UGT2A2: variants seen among roughly 807,000 people sequenced by gnomAD.
UGT2A2 encodes the protein UDP-glucuronosyltransferase 2A2.
A neutral mutation model predicts 50.7 loss-of-function variants in UGT2A2; 60 were observed. The ratio of observed to expected loss-of-function variants is 1.18; its 90% CI spans 0.96 to 1.47. The LOEUF is 1.47. Ranked by LOEUF, UGT2A2 falls within the 40% of genes most tolerant of loss-of-function variation. The pLI is 0.00. For synonymous variants in UGT2A2, 242 were observed against 214.6 expected, an observed-to-expected ratio of 1.13 and a Z score of -1.11; for missense variants, 762 against 634.0, an observed-to-expected ratio of 1.20 and a Z score of -2.17.
Position 69,594,652 on chromosome 4 carries a change from C to T in UGT2A2, c.1156G>A (p.Gly386Arg). Residue 386 changes from glycine to arginine, a missense_variant, in exon 5 of 6, where the codon GGG becomes AGG. By Grantham distance (125) the Gly-to-Arg change is moderately radical. Coordinates refer to ENST00000604629, the MANE Select transcript of UGT2A2 (RefSeq NM_001105677.2). The stretch of plus-strand genomic sequence containing the variant: ...CCGTGGTAAATAGCTTCGTAGATCC[C>T]ATTAGTTCCACCATGAGTGATAAAA... ...KAFITHGGTN[G>R]IYEAIYHGVP... 2.5e-6 allele frequency: 4 copies of T among 1,614,028 alleles called. No individual in the cohort carries two copies. The highest frequency in any genetic ancestry group is 3.4e-6 in the Non-Finnish European group (4 of 1,180,014).
chr4:69,632,647 T>C lies in UGT2A2; in HGVS notation c.742+6252A>G, dbSNP rs1040083006. ...ACTCAGGCCTGTAATCCCAGCACTT[T>C]GGGAGGCAGAGGCGGGCAGATCACA... is the stretch of plus-strand genomic sequence containing the variant. On this transcript the variant is annotated intron_variant, in intron 1 of 5. Transcript: ENST00000604629. Among the ~76,000 whole-genome samples the C allele has an allele frequency of 6.6e-5, 10 of 152,194 alleles. No homozygotes were observed. The East Asian group carries it at 1.5e-3, about 23-fold the overall frequency.
intron 1 of UGT2A2, among the ~76,000 whole-genome samples, chr4:69,609,465 G>A (rs1719899975): frequency 6.6e-6 from 1 of 151,916 alleles, no homozygotes; most frequent in African/African-American, 2.4e-5. Flanking sequence ...TAAAGAGCTG[G>A]GATTACAGGT....
At chr4:69,604,367 T>G (rs920090169) in intron 1 of UGT2A2, among the ~76,000 whole-genome samples, 1 of 135,926 alleles carries the variant, frequency 7.4e-6, no homozygotes, top group Non-Finnish European at 1.6e-5. Flanking sequence ...GACAAGCAAA[T>G]GCTGAGAGAT....
intron 1 of UGT2A2, among the ~76,000 whole-genome samples, chr4:69,630,971 TTAA>T (rs1260180215): frequency 1.3e-5 from 2 of 152,164 alleles, no homozygotes; most frequent in Non-Finnish European, 2.9e-5. Context: ...TTAAATGTTA[TTAA>T]TAACTTGAAT....
chr4:69,591,166 A>T (rs963592527), intron 5 of UGT2A2, among the ~76,000 whole-genome samples: 2 of 152,160 alleles, frequency 1.3e-5, no homozygotes, highest in Non-Finnish European at 2.9e-5. Context: ...ATATTTGAAG[A>T]TATTTATTTG....
chr4:69,606,742 A>G (rs1316827474), intron 1 of UGT2A2, among the ~76,000 whole-genome samples: 1 of 137,016 alleles, frequency 7.3e-6, no homozygotes. Flanking sequence ...TACAAAATCA[A>G]TGTGCAAAAA....
chr4:69,596,331 A>C lies in UGT2A2; in HGVS notation c.942T>G (p.Phe314Leu), dbSNP rs751675239. The stretch of plus-strand genomic sequence containing the variant: ...GGTTTTTGACCATTGATCCCAGAGA[A>C]AACACCACAACACCATTTTTACCTG... The part of the protein sequence containing the change: ...QSSGKNGVVV[F>L]SLGSMVKNLT... Residue 314 changes from phenylalanine to leucine, a missense_variant, in exon 3 of 6, where the codon TTT (phenylalanine) becomes TTG (leucine). Transcript: ENST00000604629. 2 of 1,607,832 alleles carry C rather than the reference A, an allele frequency of 1.2e-6. No homozygotes were observed. Among genetic ancestry groups the C allele is most frequent in the Non-Finnish European group, 1.7e-6 (2 of 1,176,232 alleles).
intron 1 of UGT2A2, among the ~76,000 whole-genome samples, chr4:69,618,550 CA>C (rs1720552262): frequency 6.6e-6 from 1 of 151,894 alleles, no homozygotes; most frequent in African/African-American, 2.4e-5. Flanking sequence ...AGAATTTAAA[CA>C]GACCATATTA....
Position 69,602,990 on chromosome 4 carries a change from C to T in UGT2A2, c.743-3596G>A, listed in dbSNP as rs955211793. On this transcript the variant is annotated intron_variant, in intron 1 of 5. Transcript: ENST00000604629. ...GGCTGAGGCAGAGAATTGCTTGAACCCGGGAGGAGGAGGTTGCAGTGAGCC... is the reference window on the plus strand; with the variant it reads ...GGCTGAGGCAGAGAATTGCTTGAACTCGGGAGGAGGAGGTTGCAGTGAGCC... 5.9e-5 allele frequency among the ~76,000 whole-genome samples: 8 copies of T among 134,964 alleles called. 1 individual carries two copies. The highest frequency in any genetic ancestry group is 7.3e-5 in the Admixed American group (1 of 13,628). The allele number at this position is 134,964 out of a possible 152,430, so 88.5% of individuals were successfully genotyped here. A position where few individuals can be genotyped will look rare whatever the true frequency, so the allele number is the denominator to read the frequency against.
intron 5 of UGT2A2, among the ~76,000 whole-genome samples, chr4:69,593,031 AT>A (rs568942223): frequency 3.3e-4 from 51 of 152,282 alleles, no homozygotes; most frequent in African/African-American, 1.2e-3. Context: ...ATATAGCACA[AT>A]TTAAACTGGA....
chr4:69,590,252 A>G (rs1718510437), intron 5 of UGT2A2, among the ~76,000 whole-genome samples: 2 of 152,216 alleles, frequency 1.3e-5, no homozygotes, highest in African/African-American at 2.4e-5. Flanking sequence ...AAGTACATGA[A>G]CTTTGATGTT....
chr4:69,589,569 C>T lies in UGT2A2; in HGVS notation c.1414G>A (p.Glu472Lys), dbSNP rs746847554. Reference protein sequence around the residue: ...KPLDRAVFWIEFVMRHKGAKH... With the variant: ...KPLDRAVFWIKFVMRHKGAKH... ...GCTCCTTTGTGGCGCATGACAAACT[C>T]GATCCAGAAGACTGCTCGATCCAGG... Residue 472 changes from glutamate to lysine, a missense_variant, in exon 6 of 6, where the codon GAG (glutamate) becomes AAG (lysine). By Grantham distance (56) the Glu-to-Lys change is moderately conservative. Transcript: ENST00000604629. 5.0e-6 allele frequency: 8 copies of T among 1,613,848 alleles called. No individual in the cohort carries two copies. Among genetic ancestry groups the T allele is most frequent in the African/African-American group, 2.7e-5 (2 of 74,886 alleles).
At chr4:69,619,469 T>C (rs1295260406) in intron 1 of UGT2A2, among the ~76,000 whole-genome samples, 2 of 150,902 alleles carry the variant, frequency 1.3e-5, no homozygotes, top group Admixed American at 6.6e-5. Context: ...CAAAAGTAAA[T>C]TGCAGTCTTA....
chr4:69,635,689 AC>A (rs1416693276), intron 1 of UGT2A2: 3 of 280,760 alleles, frequency 1.1e-5, no homozygotes, highest in Admixed American at 4.8e-5. Flanking sequence ...AATTAGCCTG[AC>A]CTGCTGGCAG....
intron 1 of UGT2A2, among the ~76,000 whole-genome samples, chr4:69,617,009 A>G (rs1297504539): frequency 6.6e-6 from 1 of 151,832 alleles, no homozygotes; most frequent in African/African-American, 2.4e-5. Flanking sequence ...AATGAGAAAT[A>G]TGTAGCTGGT....
In UGT2A2 at chr4:69,639,601, C is replaced by A. The variant is rs575428164; in HGVS notation, c.40G>T (p.Val14Phe). Residue 14 changes from valine (V) to phenylalanine (F), a missense_variant, in exon 1 of 6, where the codon GTC becomes TTC. Coordinates refer to ENST00000604629, the MANE Select transcript of UGT2A2 (RefSeq NM_001105677.2). ...IRDFTMPKKF[V>F]QMLVFNLTLT... ...GTCAAATTAAAAACCAGCATCTGGA[C>A]AAACTTCTTAGGCATGGTAAAATCC... 2.6e-5 allele frequency: 41 copies of A among 1,606,124 alleles called. No homozygotes were observed. The highest frequency in any genetic ancestry group is 3.3e-5 in the Non-Finnish European group (39 of 1,176,852).
chr4:69,632,062 AT>A (rs1376533522), intron 1 of UGT2A2, among the ~76,000 whole-genome samples: 1 of 152,192 alleles, frequency 6.6e-6, no homozygotes, highest in Admixed American at 6.5e-5. Flanking sequence ...TGTGATGTAT[AT>A]TAACTTTATT....
chr4:69,595,184 C>A lies in UGT2A2; in HGVS notation c.1089G>T (p.Trp363Cys), dbSNP rs775235357. Reference sequence around the variant, plus strand: ...TACCAAGAAGATCATTCTGGGGTATCCAATCAAAGAGCTGAGTATTGTTTC... The same window carrying A: ...TACCAAGAAGATCATTCTGGGGTATACAATCAAAGAGCTGAGTATTGTTTC... ...TLGNNTQLFD[W>C]IPQNDLLGHP... The change falls in exon 4 of 6, where the codon TGG (tryptophan) becomes TGT (cysteine). Residue 363 changes from tryptophan (W) to cysteine (C), a missense_variant. Physicochemically the swap from Trp to Cys is radical, Grantham distance 215 (BLOSUM62 -2). Coordinates refer to ENST00000604629, the MANE Select transcript of UGT2A2 (RefSeq NM_001105677.2). 6 of 1,613,794 alleles carry A rather than the reference C, an allele frequency of 3.7e-6. No homozygotes were observed. Among genetic ancestry groups the A allele is most frequent in the Non-Finnish European group, 5.1e-6 (6 of 1,179,862 alleles).
At chr4:69,607,658 G>T (rs1036758705) in intron 1 of UGT2A2, among the ~76,000 whole-genome samples, 9 of 152,044 alleles carry the variant, frequency 5.9e-5, no homozygotes, top group African/African-American at 2.2e-4. Flanking sequence ...GAAAATTTTT[G>T]CAATCTACTC....
Sources: allele counts gnomAD v4.1 joint callset (sites outside exome capture counted in the v4.1 genomes callset), GRCh38; gene constraint gnomAD v4.1.1; transcripts MANE v1.5; gene names NCBI Gene and HGNC (gene_info 2026-07-23, HGNC 2026-07-21).